TENM3: variants seen among roughly 807,000 people sequenced by gnomAD.
The protein encoded by TENM3 is teneurin-3.
Under a neutral mutation model 255.1 loss-of-function variants are expected in TENM3, and 63 were observed. The ratio of observed to expected loss-of-function variants is 0.25; its 90% CI spans 0.20 to 0.30. TENM3 has a LOEUF of 0.30. Among genes scored for constraint, TENM3 ranks in the 10% least tolerant of loss-of-function variants. TENM3 has a pLI of 1.00. For synonymous variants in TENM3, 1,306 were observed against 1,322.3 expected (o/e 0.99, Z 0.27); for missense variants, 2,929 against 3,461.1 (o/e 0.85, Z 3.86).
chr4:181,905,794 G>A, the TENM3 span: 2 of 339,072 alleles, frequency 5.9e-6, no homozygotes, highest in African/African-American at 4.4e-5. Context: ...AATGGCTAGA[G>A]AGAGTCTACC....
At chr4:182,518,580 C>T (rs115200471) in intron 3 of TENM3, among the ~76,000 whole-genome samples, 2 of 151,886 alleles carry the variant, frequency 1.3e-5, no homozygotes, top group African/African-American at 2.4e-5. Flanking sequence ...GCCTCTAGGG[C>T]CTGAGGGCCT....
At chr4:182,168,796 C>A (rs1579581305) in intron 1 of TENM3, among the ~76,000 whole-genome samples, 1 of 149,588 alleles carries the variant, frequency 6.7e-6, no homozygotes, top group African/African-American at 2.4e-5. Flanking sequence ...AAGTGGATAT[C>A]TCTTAGTGCT....
At chr4:182,692,525 A>T (rs890944186) in intron 12 of TENM3, among the ~76,000 whole-genome samples, 2 of 152,184 alleles carry the variant, frequency 1.3e-5, no homozygotes, top group Admixed American at 6.5e-5. Flanking sequence ...GTTATCTACT[A>T]TGGAGGGTTG....
chr4:182,734,489 A>G (rs1761016994), intron 16 of TENM3, among the ~76,000 whole-genome samples: 1 of 152,210 alleles, frequency 6.6e-6, no homozygotes, highest in South Asian at 2.1e-4. Context: ...GAAATGAGTG[A>G]ACAGGCTGTT....
chr4:181,990,322 G>A, the TENM3 span, among the ~76,000 whole-genome samples: 3 of 152,124 alleles, frequency 2.0e-5, no homozygotes, highest in Admixed American at 2.0e-4. Flanking sequence ...CAAGCTCAGA[G>A]TGACCATGGA....
the TENM3 span, among the ~76,000 whole-genome samples, chr4:181,677,146 C>T: frequency 6.6e-6 from 1 of 152,184 alleles, no homozygotes; most frequent in Non-Finnish European, 1.5e-5. Flanking sequence ...CGTGAACCCA[C>T]CTGTGTCCAT....
At chr4:182,577,707 A>C (rs1366011333) in intron 3 of TENM3, among the ~76,000 whole-genome samples, 1 of 152,162 alleles carries the variant, frequency 6.6e-6, no homozygotes. Context: ...AATTTGGGGA[A>C]TCTATTTTTA....
At chr4:181,504,737 C>A in the TENM3 span, among the ~76,000 whole-genome samples, 2 of 152,200 alleles carry the variant, frequency 1.3e-5, no homozygotes, top group Non-Finnish European at 2.9e-5. Flanking sequence ...ACCTTGAAGA[C>A]CTCAACCCAC....
At chr4:182,366,685 T>A (rs1014971484) in intron 3 of TENM3, among the ~76,000 whole-genome samples, 1 of 152,294 alleles carries the variant, frequency 6.6e-6, no homozygotes, top group South Asian at 2.1e-4. Flanking sequence ...AAATTCAGAT[T>A]TGATGATTTC....
chr4:182,346,785 G>T lies in TENM3; in HGVS notation c.367G>T (p.Glu123Ter). The T allele has an allele frequency of 6.2e-7, 1 of 1,613,596 alleles. No homozygotes were observed. Among genetic ancestry groups the T allele is most frequent in the Non-Finnish European group, 8.5e-7 (1 of 1,179,762 alleles). Residue 123 changes from glutamate (E) to a stop codon, truncating the protein, a stop_gained, in exon 3 of 28, where the codon GAA becomes TAA. Coordinates refer to ENST00000511685, the MANE Select transcript of TENM3 (RefSeq NM_001080477.4). LOFTEE classifies it high-confidence loss of function. ...SAGSDADTENEAVMSPEHAMR... is the reference protein window; with the variant it reads ...SAGSDADTEN ...AGGGTCAGATGCTGATACTGAAAAT[G>T]AAGCAGTGATGTCCCCAGAGCATGC...
rs566169037 is a variant in TENM3, at chr4:182,784,624, T to C, written c.5305-4469T>C. Among the ~76,000 whole-genome samples, 1,040 of 151,880 alleles carry C rather than the reference T, an allele frequency of 6.8e-3. 6 individuals are homozygous for C. Among genetic ancestry groups the C allele is most frequent in the Non-Finnish European group, 0.012 (799 of 67,940 alleles). On this transcript the variant is annotated intron_variant, in intron 24 of 27. Coordinates refer to ENST00000511685, the MANE Select transcript of TENM3 (RefSeq NM_001080477.4). ...GCTGCTTTGTTTACCTAAGCAAGCC[T>C]GGGCAATGGCGGGCGCCCCTCCCCA...
the TENM3 span, among the ~76,000 whole-genome samples, chr4:181,734,955 A>C: frequency 1.3e-5 from 2 of 152,108 alleles, no homozygotes; most frequent in Non-Finnish European, 2.9e-5. Flanking sequence ...AAAGTTAAAC[A>C]CTCTCAATGT....
At chr4:182,051,771 G>C in the TENM3 span, among the ~76,000 whole-genome samples, 1 of 152,154 alleles carries the variant, frequency 6.6e-6, no homozygotes, top group African/African-American at 2.4e-5. Context: ...GTTATAGCAA[G>C]GTTGCCCTGT....
intron 22 of TENM3, 172 bp downstream of exon 22, chr4:182,755,431 C>T (rs1360117117): frequency 3.3e-6 from 2 of 605,722 alleles, no homozygotes; most frequent in African/African-American, 1.9e-5. Flanking sequence ...AGTCTCAGCT[C>T]CTGGGGAGGC....
chr4:181,546,973 C>G, the TENM3 span, among the ~76,000 whole-genome samples: 1 of 152,056 alleles, frequency 6.6e-6, no homozygotes, highest in East Asian at 1.9e-4. Context: ...TTATTTGACC[C>G]ATCCAGATTC....
the TENM3 span, among the ~76,000 whole-genome samples, chr4:182,103,726 G>C: frequency 6.6e-6 from 1 of 152,134 alleles, no homozygotes; most frequent in Admixed American, 6.5e-5. Flanking sequence ...TACTGCTAAG[G>C]CTGTGTTTAA....
the TENM3 span, among the ~76,000 whole-genome samples, chr4:182,137,297 T>C: frequency 6.6e-6 from 1 of 151,478 alleles, no homozygotes; most frequent in Admixed American, 6.6e-5. Flanking sequence ...TTTTCCAGCC[T>C]CTGCCTCTCC....
At chr4:182,256,695 T>C (rs1416636734) in intron 1 of TENM3, among the ~76,000 whole-genome samples, 1 of 152,186 alleles carries the variant, frequency 6.6e-6, no homozygotes, top group Non-Finnish European at 1.5e-5. Flanking sequence ...ATTGCAGTTA[T>C]GGATTTTATT....
At chr4:182,796,036 C>T (rs1023943813) in intron 26 of TENM3, among the ~76,000 whole-genome samples, 5 of 152,186 alleles carry the variant, frequency 3.3e-5, no homozygotes, top group African/African-American at 9.7e-5. Flanking sequence ...AGTTTGTCTC[C>T]ACCTGTGCAC....
Sources: allele counts gnomAD v4.1 joint callset (sites outside exome capture counted in the v4.1 genomes callset), GRCh38; gene constraint gnomAD v4.1.1; transcripts MANE v1.5; gene names NCBI Gene and HGNC (gene_info 2026-07-23, HGNC 2026-07-21).